TJP1: variants seen among roughly 807,000 people sequenced by gnomAD.
TJP1 encodes tight junction protein ZO-1.
Under a neutral mutation model 194.2 loss-of-function variants are expected in TJP1, and 43 were observed. The observed-to-expected ratio is 0.22, with a 90% CI of 0.17 to 0.29. The LOEUF (loss-of-function observed/expected upper bound fraction) is 0.29. Ranked by LOEUF, TJP1 falls within the 10% of genes least tolerant of loss-of-function variation. TJP1 has a pLI of 1.00. For missense variants in TJP1, 1,971 were observed against 2,185.7 expected, an observed-to-expected ratio of 0.90 and a Z score of 1.96; for synonymous variants, 801 against 779.0, an observed-to-expected ratio of 1.03 and a Z score of -0.47.
intron 2 of TJP1, among the ~76,000 whole-genome samples, chr15:29,924,913 A>C (rs1229598819): frequency 6.6e-6 from 1 of 152,194 alleles, no homozygotes; most frequent in Non-Finnish European, 1.5e-5. Context: ...CCAGTGCTTA[A>C]ATTCCAAGGT....
At chr15:29,833,131 C>CA (rs1019736786) in intron 2 of TJP1, among the ~76,000 whole-genome samples, 6 of 150,090 alleles carry the variant, frequency 4.0e-5, no homozygotes, top group East Asian at 1.9e-4. Flanking sequence ...TAGAGTGCCA[C>CA]AAAAAAAAAG....
intron 26 of TJP1, among the ~76,000 whole-genome samples, chr15:29,704,711 G>A (rs2041781533): frequency 1.3e-5 from 2 of 152,142 alleles, no homozygotes; most frequent in South Asian, 2.1e-4. Flanking sequence ...TCAATCATAT[G>A]GGTCTATAAT....
intron 1 of TJP1, among the ~76,000 whole-genome samples, chr15:29,813,812 G>C (rs756320297): frequency 1.3e-5 from 2 of 152,212 alleles, no homozygotes; most frequent in African/African-American, 2.4e-5. Context: ...TATCAGTACA[G>C]AGATGTGTTC....
intron 1 of TJP1, among the ~76,000 whole-genome samples, chr15:29,959,743 A>G (rs895626801): frequency 6.6e-6 from 1 of 152,138 alleles, no homozygotes; most frequent in Non-Finnish European, 1.5e-5. Flanking sequence ...TTTATTGTTT[A>G]CTCAGATTAT....
intron 2 of TJP1, among the ~76,000 whole-genome samples, chr15:29,933,149 T>TA (rs1354493613): frequency 6.6e-6 from 1 of 152,162 alleles, no homozygotes; most frequent in Non-Finnish European, 1.5e-5. Context: ...AATAAATACA[T>TA]ATACATAGAT....
At chr15:29,708,133 T>C (rs908634816) in intron 25 of TJP1, among the ~76,000 whole-genome samples, 7 of 149,804 alleles carry the variant, frequency 4.7e-5, no homozygotes, top group African/African-American at 1.7e-4. Context: ...GGGGTGGAGG[T>C]TGCAGTGAAC....
At chr15:29,857,218 T>C (rs777413738) in intron 2 of TJP1, among the ~76,000 whole-genome samples, 1 of 151,784 alleles carries the variant, frequency 6.6e-6, no homozygotes, top group Non-Finnish European at 1.5e-5. Context: ...TTAGAGAAGT[T>C]ATAAAAGACA....
intron 8 of TJP1, among the ~76,000 whole-genome samples, chr15:29,745,176 G>C (rs2044682521): frequency 6.6e-6 from 1 of 151,646 alleles, no homozygotes; most frequent in Admixed American, 6.6e-5. Flanking sequence ...GTGAAATGCT[G>C]AATGTATTTA....
chr15:29,886,685 C>T (rs979217028), intron 2 of TJP1, among the ~76,000 whole-genome samples: 1 of 148,902 alleles, frequency 6.7e-6, no homozygotes, highest in African/African-American at 2.5e-5. Flanking sequence ...AAAAAAAGAT[C>T]AAAACACAAA....
At chr15:29,907,033 G>A (rs2053838099) in intron 2 of TJP1, among the ~76,000 whole-genome samples, 1 of 152,130 alleles carries the variant, frequency 6.6e-6, no homozygotes, top group South Asian at 2.1e-4. Context: ...TGGTGAATCT[G>A]GATGAAAAGG....
chr15:29,716,270 T>A (rs1566877812), intron 23 of TJP1, among the ~76,000 whole-genome samples: 1 of 152,102 alleles, frequency 6.6e-6, no homozygotes, highest in Non-Finnish European at 1.5e-5. Flanking sequence ...ATTTAAAAAA[T>A]AAAAACAGAA....
chr15:29,905,240 C>T (rs1054877258), intron 2 of TJP1, among the ~76,000 whole-genome samples: 2 of 152,266 alleles, frequency 1.3e-5, no homozygotes, highest in Middle Eastern at 3.4e-3. Flanking sequence ...ATGCTTGCCA[C>T]AATTGCAAAT....
chr15:29,936,912 G>T (rs2054902894), intron 2 of TJP1, among the ~76,000 whole-genome samples: 2 of 152,136 alleles, frequency 1.3e-5, no homozygotes, highest in South Asian at 4.1e-4. Flanking sequence ...TTTACCCTGG[G>T]ATCCCTTGTT....
chr15:29,840,786 G>A (rs76339523), intron 2 of TJP1, among the ~76,000 whole-genome samples: 3 of 152,156 alleles, frequency 2.0e-5, no homozygotes, highest in Non-Finnish European at 4.4e-5. Flanking sequence ...GTTTGGGATA[G>A]AAGAAAGAAT....
intron 8 of TJP1, among the ~76,000 whole-genome samples, chr15:29,749,374 A>C (rs569903996): frequency 6.6e-6 from 1 of 152,312 alleles, no homozygotes; most frequent in South Asian, 2.1e-4. Flanking sequence ...GCCGATTAAT[A>C]CACACTCAAT....
At chr15:29,880,075 A>G (rs1229782546) in intron 2 of TJP1, among the ~76,000 whole-genome samples, 2 of 152,202 alleles carry the variant, frequency 1.3e-5, no homozygotes, top group African/African-American at 2.4e-5. Context: ...AGCTTTTACT[A>G]TATAATATTT....
intron 8 of TJP1, among the ~76,000 whole-genome samples, chr15:29,752,453 T>A (rs976936054): frequency 1.4e-4 from 21 of 152,176 alleles, no homozygotes; most frequent in African/African-American, 4.6e-4. Context: ...AGCCTGCCTT[T>A]CTGCTATTTG....
At chr15:29,722,367 T>A (rs1011291508) in intron 18 of TJP1, among the ~76,000 whole-genome samples, 8 of 152,202 alleles carry the variant, frequency 5.3e-5, no homozygotes, top group African/African-American at 1.9e-4. Context: ...GCTCCAGACA[T>A]GGCCAAAATG....
rs547537526 is a variant in TJP1, at chr15:29,762,588, G to A, written c.590-150C>T. ...TATTTCTTGGCCATCCTGCAAATAA[G>A]ACATTCCCTCTAATTAGCAAGTCTG... On this transcript the variant is annotated intron_variant, in intron 5 of 27. Coordinates refer to ENST00000614355, the MANE Select transcript of TJP1 (RefSeq NM_001330239.4). 80 of 591,594 alleles carry A rather than the reference G, an allele frequency of 1.4e-4. No homozygotes were observed. The South Asian group carries it at 2.0e-3, about 15-fold the overall frequency. The allele number at this position is 591,594 out of a possible 1,614,324, so 36.6% of individuals were successfully genotyped here.
Sources: gnomAD v4.1 joint callset for allele counts (sites outside exome capture counted in the v4.1 genomes callset) on GRCh38, gnomAD v4.1.1 for gene constraint, MANE v1.5 for transcripts, NCBI Gene and HGNC (gene_info 2026-07-23, HGNC 2026-07-21) for gene names.